Variants in CATSPERT observed in about 807,000 individuals in gnomAD.
CATSPERT encodes the protein catsper channel auxiliary subunit tau, also known as cation channel sperm-associated targeting subunit tau.
chr2:201,544,958 C>T, the CATSPERT span, among the ~76,000 whole-genome samples: 1 of 151,804 alleles, frequency 6.6e-6, no homozygotes, highest in African/African-American at 2.4e-5. Context: ...GGTTGTGCAA[C>T]TGCACTCCAG....
chr2:201,603,238 T>C, the CATSPERT span: 117 of 1,611,630 alleles, frequency 7.3e-5, no homozygotes, highest in Non-Finnish European at 1.2e-5. Flanking sequence ...AGGCATAAAA[T>C]GTCTGCAGTT....
chr2:201,591,333 C>T, the CATSPERT span, among the ~76,000 whole-genome samples: 1 of 152,188 alleles, frequency 6.6e-6, no homozygotes, highest in South Asian at 2.1e-4. Flanking sequence ...TGCTCTGTTC[C>T]ATTGATCTAT....
the CATSPERT span, among the ~76,000 whole-genome samples, chr2:201,552,346 T>C: frequency 6.6e-6 from 1 of 152,180 alleles, no homozygotes; most frequent in Non-Finnish European, 1.5e-5. Flanking sequence ...GAAGTGCCAC[T>C]AGTGATGCTA....
At chr2:201,552,685 G>A in the CATSPERT span, among the ~76,000 whole-genome samples, 3 of 152,250 alleles carry the variant, frequency 2.0e-5, no homozygotes, top group Admixed American at 6.5e-5. Context: ...GCATGGGTAG[G>A]GGGTGGCAAC....
At chr2:201,540,619 T>C in the CATSPERT span, among the ~76,000 whole-genome samples, 37 of 152,174 alleles carry the variant, frequency 2.4e-4, no homozygotes, top group African/African-American at 8.7e-4. Context: ...TGAGACTTAC[T>C]ATTCAGAAAA....
At chr2:201,532,685 G>A in the CATSPERT span, among the ~76,000 whole-genome samples, 1 of 152,174 alleles carries the variant, frequency 6.6e-6, no homozygotes, top group Non-Finnish European at 1.5e-5. Context: ...GCAAAGAGTA[G>A]TCAACGAAGA....
chr2:201,572,156 A>G, the CATSPERT span: 2 of 559,026 alleles, frequency 3.6e-6, no homozygotes, highest in Non-Finnish European at 6.3e-6. Context: ...GAGACATGTA[A>G]GGAAATAAGG....
chr2:201,570,027 C>A, the CATSPERT span, among the ~76,000 whole-genome samples: 1 of 151,928 alleles, frequency 6.6e-6, no homozygotes, highest in African/African-American at 2.4e-5. Context: ...ACAAAAAATA[C>A]AAAAATTAGC....
the CATSPERT span, among the ~76,000 whole-genome samples, chr2:201,532,959 C>A: frequency 6.6e-6 from 1 of 152,130 alleles, no homozygotes; most frequent in South Asian, 2.1e-4. Context: ...ACTCATAGGC[C>A]TACTCAGCTA....
At chr2:201,588,417 G>C in the CATSPERT span, among the ~76,000 whole-genome samples, 5 of 151,662 alleles carry the variant, frequency 3.3e-5, no homozygotes, top group Non-Finnish European at 7.4e-5. Context: ...AATAGATGCA[G>C]ATAATGCAGC....
the CATSPERT span, among the ~76,000 whole-genome samples, chr2:201,551,779 A>G: frequency 3.3e-5 from 5 of 152,038 alleles, no homozygotes; most frequent in South Asian, 4.1e-4. Context: ...ATGGTGGTGC[A>G]TGCCTGTAAT....
chr2:201,541,637 C>A, the CATSPERT span, among the ~76,000 whole-genome samples: 1 of 146,974 alleles, frequency 6.8e-6, no homozygotes, highest in Non-Finnish European at 1.5e-5. Context: ...ACTCTGTTAC[C>A]CAGGCTGGAG....
At chr2:201,602,763 C>T in the CATSPERT span, among the ~76,000 whole-genome samples, 1 of 152,060 alleles carries the variant, frequency 6.6e-6, no homozygotes, top group East Asian at 1.9e-4. Context: ...TGGAATGTGA[C>T]TAGGGTTGGG....
the CATSPERT span, among the ~76,000 whole-genome samples, chr2:201,539,390 T>C: frequency 6.6e-6 from 1 of 152,170 alleles, no homozygotes; most frequent in South Asian, 2.1e-4. Context: ...CTCATTATGG[T>C]TTTGATTCAC....
At chr2:201,502,483 A>G in the CATSPERT span, among the ~76,000 whole-genome samples, 4 of 151,786 alleles carry the variant, frequency 2.6e-5, no homozygotes, top group African/African-American at 7.3e-5. Flanking sequence ...GAGGCAGGAG[A>G]ATCTCTTCAA....
At chr2:201,497,065 T>G in the CATSPERT span, among the ~76,000 whole-genome samples, 1 of 152,238 alleles carries the variant, frequency 6.6e-6, no homozygotes, top group Non-Finnish European at 1.5e-5. Context: ...TCTCCTTTAG[T>G]CTGTAGAGGG....
chr2:201,503,191 T>C, the CATSPERT span, among the ~76,000 whole-genome samples: 1 of 152,202 alleles, frequency 6.6e-6, no homozygotes, highest in African/African-American at 2.4e-5. Flanking sequence ...TATTATTTGA[T>C]TTTTCCCTAC....
chr2:201,569,272 G>A, the CATSPERT span, among the ~76,000 whole-genome samples: 1 of 151,990 alleles, frequency 6.6e-6, no homozygotes, highest in Non-Finnish European at 1.5e-5. Flanking sequence ...CCATGACTCT[G>A]TTTTTATGAT....
chr2:201,614,024 A>T, the CATSPERT span, among the ~76,000 whole-genome samples: 1 of 152,212 alleles, frequency 6.6e-6, no homozygotes, highest in Non-Finnish European at 1.5e-5. Flanking sequence ...GAATAAAAAG[A>T]AATGAACAAA....
Sources: gnomAD v4.1 joint callset for allele counts (sites outside exome capture counted in the v4.1 genomes callset) on GRCh38, gnomAD v4.1.1 for gene constraint, MANE v1.5 for transcripts, NCBI Gene and HGNC (gene_info 2026-07-23, HGNC 2026-07-21) for gene names.